Variants in ALG13 observed in about 807,000 individuals in gnomAD.
The protein encoded by ALG13 is ALG13 UDP-N-acetylglucosaminyltransferase subunit.
A neutral mutation model predicts 87.8 loss-of-function variants in ALG13; 11 were observed. The ratio of observed to expected loss-of-function variants is 0.13; its 90% CI spans 0.08 to 0.21. The LOEUF (loss-of-function observed/expected upper bound fraction) is 0.21. ALG13 is among the 10% of genes least tolerant of loss of function. The pLI, the probability that ALG13 is intolerant of heterozygous loss-of-function variation, is 1.00. For synonymous variants in ALG13, 320 were observed against 306.3 expected (o/e 1.04, Z -0.47); for missense variants, 756 against 866.1 (o/e 0.87, Z 1.60).
chrX:111,725,346 G>C (rs960838674), intron 15 of ALG13, among the ~76,000 whole-genome samples: 1 of 111,625 alleles, frequency 9.0e-6, no homozygotes, highest in Non-Finnish European at 1.9e-5. Context: ...AGTTGTCCCT[G>C]GTTGAGAACC....
At chrX:111,726,238 T>G (rs1424318418) in intron 15 of ALG13, among the ~76,000 whole-genome samples, 8 of 97,247 alleles carry the variant, frequency 8.2e-5, no homozygotes, top group African/African-American at 1.5e-4. Context: ...TTTTGTTTTT[T>G]TTTTTTTTTT....
chrX:111,728,436 A>G lies in ALG13; in HGVS notation c.2368+131A>G, dbSNP rs894851887. 3 of 738,264 alleles carry G rather than the reference A, an allele frequency of 4.1e-6. No individual in the cohort carries two copies. In the African/African-American group the frequency reaches 6.5e-5, roughly 16 times the overall value. 60.8% of individuals were successfully genotyped at this position (738,264 alleles called of 1,213,427 possible). A position where few individuals can be genotyped will look rare whatever the true frequency, so the allele number is the denominator to read the frequency against. On this transcript the variant is annotated intron_variant, in intron 19 of 26. Coordinates refer to ENST00000394780, the MANE Select transcript of ALG13 (RefSeq NM_001099922.3). Reference sequence around the variant, plus strand: ...AGCTTAGTTCTGAAAGATTTATATAAGTTCTTAATGCTTGCTGGGTTTTTG... The same window carrying G: ...AGCTTAGTTCTGAAAGATTTATATAGGTTCTTAATGCTTGCTGGGTTTTTG...
intron 3 of ALG13, 66 bp from the exon 4 acceptor site, chrX:111,707,961 C>T: frequency 1.8e-6 from 2 of 1,094,585 alleles, no homozygotes; most frequent in Non-Finnish European, 2.4e-6. Context: ...CCCTCCCTCC[C>T]ATGTCTCCTG....
chrX:111,702,498 T>C (rs1219440076), intron 3 of ALG13, among the ~76,000 whole-genome samples: 1 of 111,968 alleles, frequency 8.9e-6, no homozygotes, highest in Non-Finnish European at 1.9e-5. Context: ...TTCCCACTTT[T>C]TGATAGTAAC....
At chrX:111,748,323 C>T (rs750821232) in intron 24 of ALG13, among the ~76,000 whole-genome samples, 10 of 112,019 alleles carry the variant, frequency 8.9e-5, no homozygotes, top group Non-Finnish European at 1.9e-4. Context: ...TTTTATGGAT[C>T]ATGCCTATGG....
In ALG13 at chrX:111,726,926, A is replaced by G. The variant is rs1328015744; in HGVS notation, c.1847A>G (p.Gln616Arg). 1 of 1,211,951 alleles carries G rather than the reference A, an allele frequency of 8.3e-7. No individual in the cohort carries two copies. ...KGDPLLPPRL[Q>R]HSMHYGHDPP... is the part of the protein sequence containing the mutation. ...GACCCCCTCCTCCCACCCAGGCTGC[A>G]GCACAGTATGCATTATGGGCACGAT... is the stretch of plus-strand genomic sequence containing the variant. Residue 616 changes from glutamine to arginine, a missense_variant, in exon 16 of 27, where the codon CAG (glutamine) becomes CGG (arginine). By Grantham distance (43) the Gln-to-Arg change is conservative. Coordinates refer to ENST00000394780, the MANE Select transcript of ALG13 (RefSeq NM_001099922.3).
At chrX:111,685,152 G>A in intron 3 of ALG13, 49 bp downstream of exon 3, 1 of 1,157,199 alleles carries the variant, frequency 8.6e-7, no homozygotes. Flanking sequence ...TTCGTCCCTT[G>A]CACTTCCTCT....
chrX:111,722,976 A>C, intron 13 of ALG13, 119 bp downstream of exon 13: 1 of 510,193 alleles, frequency 2.0e-6, no homozygotes, highest in East Asian at 4.0e-5. Context: ...TTTTAAAGAG[A>C]TAGGGTCTAG....
chrX:111,749,487 C>G (rs1944523163), intron 24 of ALG13, among the ~76,000 whole-genome samples: 1 of 106,675 alleles, frequency 9.4e-6, no homozygotes, highest in Non-Finnish European at 1.9e-5. Flanking sequence ...GTCTCTTACA[C>G]TATCAAATTT....
At chrX:111,688,758 GT>G (rs939165608) in intron 3 of ALG13, 139 of 738,699 alleles carry the variant, frequency 1.9e-4, no homozygotes, top group South Asian at 3.5e-4. Flanking sequence ...TATAAAATTA[GT>G]TTTATGAATG....
intron 1 of ALG13, chrX:111,681,702 T>G (rs914137843): frequency 1.2e-6 from 1 of 843,578 alleles, no homozygotes; most frequent in Non-Finnish European, 1.4e-6. Context: ...GGCGCCGGCG[T>G]CTGAGCCAGC....
chrX:111,697,419 C>T (rs771196046), intron 3 of ALG13, among the ~76,000 whole-genome samples: 1 of 111,619 alleles, frequency 9.0e-6, no homozygotes, highest in Non-Finnish European at 1.9e-5. Context: ...TCATCATCAC[C>T]TGGGAACTTG....
At chrX:111,710,518 G>GA (rs1939561396) in intron 5 of ALG13, among the ~76,000 whole-genome samples, 1 of 111,207 alleles carries the variant, frequency 9.0e-6, no homozygotes, top group Non-Finnish European at 1.9e-5. Context: ...TAAAACTCTA[G>GA]AAAAAATACA....
intron 11 of ALG13, among the ~76,000 whole-genome samples, chrX:111,721,056 GTT>G (rs762735820): frequency 1.1e-5 from 1 of 87,710 alleles, no homozygotes; most frequent in Non-Finnish European, 2.3e-5. Flanking sequence ...GAACGACGTG[GTT>G]TTTTTTTTTT....
At chrX:111,728,970 T>C (rs1942380094) in intron 19 of ALG13, among the ~76,000 whole-genome samples, 1 of 111,593 alleles carries the variant, frequency 9.0e-6, no homozygotes, top group African/African-American at 3.3e-5. Flanking sequence ...TATCATACAA[T>C]TCAGCTATTT....
chrX:111,704,514 G>A (rs1244592816), intron 3 of ALG13, among the ~76,000 whole-genome samples: 2 of 112,172 alleles, frequency 1.8e-5, no homozygotes, highest in Non-Finnish European at 3.8e-5. Flanking sequence ...GAACTATGTA[G>A]TGATGCACCA....
intron 3 of ALG13, among the ~76,000 whole-genome samples, chrX:111,704,269 A>G (rs745335023): frequency 8.9e-6 from 1 of 111,949 alleles, no homozygotes; most frequent in Non-Finnish European, 1.9e-5. Context: ...AGAATGTAAA[A>G]TGGTGCAGTT....
chrX:111,681,964 G>C (rs751813938), intron 1 of ALG13, 168 bp from the exon 2 acceptor site: 127 of 858,313 alleles, frequency 1.5e-4, no homozygotes, highest in Non-Finnish European at 1.4e-4. Flanking sequence ...TTCCTCGTCG[G>C]GCCCCGGACC....
At chrX:111,735,958 T>A (rs1943198290) in intron 22 of ALG13, among the ~76,000 whole-genome samples, 1 of 109,673 alleles carries the variant, frequency 9.1e-6, no homozygotes. Context: ...AAAAAAAAAA[T>A]ACAGTCTTAC....
Sources: allele counts gnomAD v4.1 joint callset (sites outside exome capture counted in the v4.1 genomes callset), GRCh38; gene constraint gnomAD v4.1.1; transcripts MANE v1.5; gene names NCBI Gene and HGNC (gene_info 2026-07-23, HGNC 2026-07-21).